The following PPP1R36 variants were observed in gnomAD, a reference collection of about 807,000 sequenced individuals.
PPP1R36 encodes chromosome 14 open reading frame 50.
Under a neutral mutation model 53.4 loss-of-function variants are expected in PPP1R36, and 47 were observed. That is an observed-to-expected ratio of 0.88 (90% confidence interval 0.70 to 1.12). PPP1R36 has a LOEUF of 1.12. PPP1R36 is among the 50% of genes most tolerant of loss of function. PPP1R36 has a pLI of 0.00. For synonymous variants in PPP1R36, 153 were observed against 170.5 expected (o/e 0.90, Z 0.80); for missense variants, 456 against 513.9 (o/e 0.89, Z 1.09).
chr14:64,575,106 C>G (rs2080332072), intron 8 of PPP1R36, among the ~76,000 whole-genome samples: 1 of 152,328 alleles, frequency 6.6e-6, no homozygotes, highest in East Asian at 1.9e-4. Flanking sequence ...GGAGTCTCAT[C>G]ACAGGTTTGG....
At position 64,589,316 on chromosome 14, in the gene PPP1R36, C is replaced by G; in HGVS notation, c.1247C>G (p.Ser416Cys). 6.2e-7 allele frequency: 1 copy of G among 1,613,144 alleles called. No individual in the cohort carries two copies. The highest frequency in any genetic ancestry group is 8.5e-7 in the Non-Finnish European group (1 of 1,179,288). The change falls in exon 12 of 12, where the codon TCT (serine) becomes TGT (cysteine). Residue 416 changes from serine (S) to cysteine (C), a missense_variant. By Grantham distance (112) the Ser-to-Cys change is moderately radical (BLOSUM62 -1). Transcript: ENST00000298705. ...TLDLVMKTLS[S>C]HTSCPK is the part of the protein sequence containing the mutation. ...GACTTGGTCATGAAAACACTGTCCT[C>G]TCATACATCATGCCCTAAGTAACCT...
intron 8 of PPP1R36, among the ~76,000 whole-genome samples, chr14:64,576,757 A>C (rs367694233): frequency 1.3e-5 from 2 of 152,262 alleles, no homozygotes; most frequent in East Asian, 3.9e-4. Context: ...TACACTCTTA[A>C]TGTGTATTCC....
At chr14:64,579,211 G>A (rs1248604325) in intron 8 of PPP1R36, among the ~76,000 whole-genome samples, 2 of 151,938 alleles carry the variant, frequency 1.3e-5, no homozygotes, top group African/African-American at 2.4e-5. Context: ...ACAAACCCCC[G>A]TGACTCGTGT....
rs2080157550 is a variant in PPP1R36 at position 64,556,767 on chromosome 14, TG to T, written c.182+3907del. Among the ~76,000 whole-genome samples, 3 of 147,886 alleles carry T rather than the reference TG, an allele frequency of 2.0e-5. No homozygotes were observed. The Admixed American group carries it at 2.0e-4, about 10-fold the overall frequency. The stretch of plus-strand genomic sequence containing the variant: ...TGAGACCCAATCTCCAAAAAATGTG[TG>T]TGTGTGTGTGTGTGTGTGTGTGTGT... On this transcript the variant is annotated intron_variant, in intron 3 of 11. Coordinates refer to ENST00000298705, the MANE Select transcript of PPP1R36 (RefSeq NM_172365.3).
chr14:64,585,260 C>A (rs563778381), intron 8 of PPP1R36, among the ~76,000 whole-genome samples: 17 of 152,326 alleles, frequency 1.1e-4, no homozygotes, highest in African/African-American at 3.6e-4. Context: ...TCACGCCTGT[C>A]ATCCCATCAC....
intron 8 of PPP1R36, among the ~76,000 whole-genome samples, chr14:64,582,546 G>A (rs1017843065): frequency 8.5e-5 from 13 of 152,154 alleles, no homozygotes; most frequent in South Asian, 8.3e-4. Flanking sequence ...TGCCACACGC[G>A]GCTGTTGAGC....
chr14:64,561,262 C>T (rs555450553), intron 3 of PPP1R36, among the ~76,000 whole-genome samples: 1 of 152,158 alleles, frequency 6.6e-6, no homozygotes, highest in African/African-American at 2.4e-5. Flanking sequence ...TCCCTTTCCC[C>T]TCCCCCAGCT....
intron 3 of PPP1R36, among the ~76,000 whole-genome samples, chr14:64,554,139 A>ATTTTTTTTTTTTTTTTTTTT (rs1235272685): frequency 9.2e-6 from 1 of 109,018 alleles, no homozygotes; most frequent in Non-Finnish European, 1.9e-5. Context: ...TCCCATCACA[A>ATTTTTTTTTTTTTTTTTTTT]TTGTTTTTTT....
chr14:64,558,817 G>T (rs1358043587), intron 3 of PPP1R36, among the ~76,000 whole-genome samples: 1 of 151,892 alleles, frequency 6.6e-6, no homozygotes, highest in East Asian at 1.9e-4. Flanking sequence ...TGTATTTTTA[G>T]TACAGACGGG....
intron 3 of PPP1R36, among the ~76,000 whole-genome samples, chr14:64,562,788 A>C (rs1596730256): frequency 6.6e-6 from 1 of 152,202 alleles, no homozygotes; most frequent in Non-Finnish European, 1.5e-5. Flanking sequence ...AAATGACAGC[A>C]TTATACTAGA....
intron 2 of PPP1R36, chr14:64,552,559 AC>A (rs2080103550): frequency 3.0e-6 from 1 of 333,146 alleles, no homozygotes; most frequent in African/African-American, 2.8e-5. Context: ...TCACATTAAT[AC>A]GTCTTGGGCT....
intron 3 of PPP1R36, 73 bp downstream of exon 3, chr14:64,552,934 G>T: frequency 7.5e-7 from 1 of 1,335,772 alleles, no homozygotes. Flanking sequence ...CAAAATACAT[G>T]TTAAAGCACA....
chr14:64,568,611 T>C (rs2080279646), intron 7 of PPP1R36, among the ~76,000 whole-genome samples, 164 bp downstream of exon 7: 1 of 152,096 alleles, frequency 6.6e-6, no homozygotes, highest in Non-Finnish European at 1.5e-5. Flanking sequence ...CTGGATAATT[T>C]ATATGTGTAG....
intron 3 of PPP1R36, among the ~76,000 whole-genome samples, chr14:64,556,275 T>C (rs2080150753): frequency 6.6e-6 from 1 of 151,926 alleles, no homozygotes; most frequent in African/African-American, 2.4e-5. Flanking sequence ...GCTAATTTTT[T>C]GTATTTTTGT....
At chr14:64,554,228 G>T (rs1248858554) in intron 3 of PPP1R36, among the ~76,000 whole-genome samples, 2 of 136,680 alleles carry the variant, frequency 1.5e-5, no homozygotes, top group Admixed American at 1.7e-4. Context: ...CCTGGCTCAC[G>T]GCAACCTCCC....
intron 3 of PPP1R36, among the ~76,000 whole-genome samples, chr14:64,563,115 C>G (rs184655896): frequency 6.6e-6 from 1 of 152,276 alleles, no homozygotes; most frequent in Non-Finnish European, 1.5e-5. Context: ...ATCTGCCTAC[C>G]TCGGCCTCCC....
chr14:64,564,712 GA>G, intron 3 of PPP1R36, 38 bp from the exon 4 acceptor site: 4 of 1,403,284 alleles, frequency 2.9e-6, no homozygotes, highest in Admixed American at 3.7e-5. Context: ...TTTTCCCCTG[GA>G]AAAGGTGAAG....
intron 8 of PPP1R36, chr14:64,586,595 T>C (rs1263979548): frequency 8.1e-6 from 3 of 368,370 alleles, no homozygotes; most frequent in Non-Finnish European, 1.5e-5. Flanking sequence ...CTCACTGGTT[T>C]GTTTACCCCA....
At chr14:64,571,829 A>C (rs1473902490) in intron 7 of PPP1R36, among the ~76,000 whole-genome samples, 1 of 152,196 alleles carries the variant, frequency 6.6e-6, no homozygotes, top group Non-Finnish European at 1.5e-5. Context: ...GAGGAGCAAC[A>C]GCATGTCTTA....
Sources: allele counts gnomAD v4.1 joint callset (sites outside exome capture counted in the v4.1 genomes callset), GRCh38; gene constraint gnomAD v4.1.1; transcripts MANE v1.5; gene names NCBI Gene and HGNC (gene_info 2026-07-23, HGNC 2026-07-21).